ITPRID1: variants seen among roughly 807,000 people sequenced by gnomAD.
ITPRID1 encodes protein ITPRID1.
ITPRID1 carries 96 observed loss-of-function variants against 95.4 expected under a neutral mutation model. The observed-to-expected ratio is 1.01, with a 90% CI of 0.85 to 1.19. The LOEUF is 1.19. ITPRID1 is among the 50% of genes most tolerant of loss of function. ITPRID1 has a pLI of 0.00. For synonymous variants in ITPRID1, 510 were observed against 453.6 expected, an observed-to-expected ratio of 1.12 and a Z score of -1.58; for missense variants, 1,339 against 1,252.9, an observed-to-expected ratio of 1.07 and a Z score of -1.04.
intron 1 of ITPRID1, chr7:31,529,780 A>G (rs1464726403): frequency 6.5e-7 from 1 of 1,535,402 alleles, no homozygotes; most frequent in Non-Finnish European, 8.7e-7. Flanking sequence ...TGCCAACTAC[A>G]GCAAGTTGCA....
intron 9 of ITPRID1, among the ~76,000 whole-genome samples, chr7:31,578,739 A>G (rs539091493): frequency 6.6e-6 from 1 of 152,220 alleles, no homozygotes; most frequent in African/African-American, 2.4e-5. Flanking sequence ...CTTTTTATCT[A>G]TTCTCTAACT....
intron 12 of ITPRID1, among the ~76,000 whole-genome samples, chr7:31,644,403 TAAG>T (rs1431020197): frequency 2.0e-5 from 3 of 152,246 alleles, no homozygotes; most frequent in Admixed American, 1.3e-4. Flanking sequence ...TAGGATTAAA[TAAG>T]AAGAACCCTG....
intron 10 of ITPRID1, among the ~76,000 whole-genome samples, chr7:31,636,561 C>G (rs1045854028): frequency 6.6e-6 from 1 of 152,114 alleles, no homozygotes; most frequent in Admixed American, 6.5e-5. Flanking sequence ...TCAACCTCTT[C>G]TGCTGAATAT....
intron 1 of ITPRID1, among the ~76,000 whole-genome samples, chr7:31,538,433 A>G (rs1363576682): frequency 2.6e-5 from 4 of 152,216 alleles, no homozygotes; most frequent in Admixed American, 6.5e-5. Flanking sequence ...CAATACTATT[A>G]TCTGATCTAC....
At chr7:31,589,504 TAATTACAAAGA>T (rs932091255) in intron 10 of ITPRID1, among the ~76,000 whole-genome samples, 2 of 152,164 alleles carry the variant, frequency 1.3e-5, no homozygotes, top group Non-Finnish European at 2.9e-5. Context: ...CTAAGTGGGA[TAATTACAAAGA>T]AATTACAAAG....
At chr7:31,613,825 A>G (rs1319997364) in intron 10 of ITPRID1, among the ~76,000 whole-genome samples, 2 of 152,208 alleles carry the variant, frequency 1.3e-5, no homozygotes, top group Non-Finnish European at 2.9e-5. Context: ...TGCCCTCTGC[A>G]CAGCATAATG....
At chr7:31,566,518 G>A (rs746597057) in intron 5 of ITPRID1, among the ~76,000 whole-genome samples, 6 of 152,178 alleles carry the variant, frequency 3.9e-5, no homozygotes, top group Non-Finnish European at 5.9e-5. Flanking sequence ...GCTAAACCAG[G>A]CACAAATGGA....
intron 1 of ITPRID1, among the ~76,000 whole-genome samples, chr7:31,548,290 T>C (rs956774827): frequency 6.6e-6 from 1 of 152,082 alleles, no homozygotes; most frequent in Non-Finnish European, 1.5e-5. Context: ...AGAAATACCA[T>C]ACTAAAATTT....
chr7:31,561,554 A>G (rs184704907), intron 5 of ITPRID1, among the ~76,000 whole-genome samples: 24 of 152,326 alleles, frequency 1.6e-4, no homozygotes, highest in African/African-American at 5.8e-4. Flanking sequence ...ATGAATTTCA[A>G]TAACTGCAAA....
chr7:31,614,811 T>TTTTTGAAATTACTTCAGAAA (rs1562609461), intron 10 of ITPRID1, among the ~76,000 whole-genome samples: 2 of 152,106 alleles, frequency 1.3e-5, no homozygotes, highest in African/African-American at 2.4e-5. Context: ...ATGGATCATT[T>TTTTTGAAATTACTTCAGAAA]TTTTGAAATT....
chr7:31,639,468 A>G (rs1371076647), intron 10 of ITPRID1, among the ~76,000 whole-genome samples: 3 of 151,090 alleles, frequency 2.0e-5, no homozygotes, highest in Non-Finnish European at 2.9e-5. Flanking sequence ...ATATCCACTT[A>G]ACATAGTTCA....
chr7:31,651,316 T>C (rs770763216), intron 13 of ITPRID1, 47 bp downstream of exon 13: 3 of 1,594,928 alleles, frequency 1.9e-6, no homozygotes, highest in South Asian at 1.1e-5. Context: ...CCCACACACC[T>C]GGAGCAAGGA....
intron 10 of ITPRID1, among the ~76,000 whole-genome samples, chr7:31,623,626 T>C (rs933942966): frequency 7.8e-6 from 1 of 128,606 alleles, no homozygotes; most frequent in African/African-American, 2.8e-5. Context: ...GAGCTATCTA[T>C]GACAAACCCA....
intron 8 of ITPRID1, among the ~76,000 whole-genome samples, chr7:31,577,577 C>G (rs1785230195): frequency 6.6e-6 from 1 of 152,138 alleles, no homozygotes; most frequent in Non-Finnish European, 1.5e-5. Flanking sequence ...TTTTTAATAC[C>G]TAACACATAA....
At chr7:31,587,319 A>T (rs1785659247) in intron 10 of ITPRID1, among the ~76,000 whole-genome samples, 1 of 152,176 alleles carries the variant, frequency 6.6e-6, no homozygotes. Flanking sequence ...GTGTACAAAA[A>T]TCACAAGCAT....
intron 1 of ITPRID1, chr7:31,529,504 G>A (rs1346164322): frequency 1.6e-5 from 7 of 436,912 alleles, no homozygotes; most frequent in African/African-American, 1.2e-4. Flanking sequence ...GTTGTTACTA[G>A]TAACTCCTGC....
At chr7:31,580,385 A>C (rs1785355187) in intron 9 of ITPRID1, among the ~76,000 whole-genome samples, 1 of 151,994 alleles carries the variant, frequency 6.6e-6, no homozygotes, top group Non-Finnish European at 1.5e-5. Flanking sequence ...ACCCATTGTC[A>C]AGCCTCGTCA....
intron 1 of ITPRID1, among the ~76,000 whole-genome samples, chr7:31,519,548 C>T (rs540980005): frequency 1.6e-4 from 23 of 144,720 alleles, no homozygotes; most frequent in African/African-American, 4.3e-4. Flanking sequence ...TAGATATATA[C>T]GCACATGCAT....
At chr7:31,600,413 C>A (rs956458124) in intron 10 of ITPRID1, among the ~76,000 whole-genome samples, 4 of 152,092 alleles carry the variant, frequency 2.6e-5, no homozygotes, top group Non-Finnish European at 4.4e-5. Context: ...TAAAAAATGA[C>A]GCATAAAGTG....
Sources: allele counts gnomAD v4.1 joint callset (sites outside exome capture counted in the v4.1 genomes callset), GRCh38; gene constraint gnomAD v4.1.1; transcripts MANE v1.5; gene names NCBI Gene and HGNC (gene_info 2026-07-23, HGNC 2026-07-21).